Variants in NRG3 observed in about 807,000 individuals in gnomAD.
The protein encoded by NRG3 is pro-neuregulin-3, membrane-bound isoform.
In NRG3, 31 loss-of-function variants were observed where a neutral mutation model predicts 66.9. That is an observed-to-expected ratio of 0.46 (90% CI 0.35 to 0.63). NRG3 has a LOEUF of 0.63. Ranked by LOEUF, NRG3 falls within the 20% of genes least tolerant of loss-of-function variation. The pLI is 0.00. For missense variants in NRG3, 910 were observed against 878.9 expected (o/e 1.04, Z -0.45); for synonymous variants, 393 against 359.4 (o/e 1.09, Z -1.06).
At chr10:82,541,134 T>C (rs945200615) in intron 2 of NRG3, among the ~76,000 whole-genome samples, 1 of 152,178 alleles carries the variant, frequency 6.6e-6, no homozygotes, top group African/African-American at 2.4e-5. Flanking sequence ...ATTTCTATTC[T>C]TTAAGCTACT....
intron 2 of NRG3, among the ~76,000 whole-genome samples, chr10:82,640,400 C>A (rs914554072): frequency 2.0e-5 from 3 of 152,146 alleles, no homozygotes; most frequent in Non-Finnish European, 4.4e-5. Context: ...TAGGCCACTT[C>A]GTGTTATTCA....
At chr10:82,457,596 A>T (rs1285778622) in intron 2 of NRG3, among the ~76,000 whole-genome samples, 1 of 152,124 alleles carries the variant, frequency 6.6e-6, no homozygotes, top group East Asian at 1.9e-4. Context: ...CATAGCTAGG[A>T]ACATAGGAGG....
In NRG3 at chr10:81,877,670, G is replaced by C. The variant is rs1841797928; in HGVS notation, c.823+1507G>C. 3 of 1,284,344 alleles carry C rather than the reference G, an allele frequency of 2.3e-6. 1 individual carries two copies. In the Admixed American group the frequency reaches 1.1e-4, roughly 48 times the overall value. 79.6% of individuals were successfully genotyped at this position (1,284,344 alleles called of 1,614,324 possible). On this transcript the variant is annotated intron_variant, in intron 1 of 8. Transcript: ENST00000372141. ...ACTTTGCTTTGGAAAAAACCGTCTA[G>C]AAGATAAATTGGGAGACAGGAAGGA...
intron 2 of NRG3, among the ~76,000 whole-genome samples, chr10:82,666,978 C>T (rs760403344): frequency 7.2e-5 from 11 of 152,166 alleles, no homozygotes; most frequent in Non-Finnish European, 1.5e-4. Flanking sequence ...AGTGATTCTA[C>T]ACAAACCTCA....
intron 1 of NRG3, among the ~76,000 whole-genome samples, chr10:82,223,150 AATGCATGGGACAGCC>A (rs2076017188): frequency 6.6e-6 from 1 of 151,928 alleles, no homozygotes; most frequent in African/African-American, 2.4e-5. Flanking sequence ...ATTGAAAGGC[AATGCATGGGACAGCC>A]AGAACAACCC....
At chr10:82,139,697 G>A (rs2069629716) in intron 1 of NRG3, among the ~76,000 whole-genome samples, 1 of 152,112 alleles carries the variant, frequency 6.6e-6, no homozygotes, top group African/African-American at 2.4e-5. Flanking sequence ...AAAGTGAATA[G>A]TACAGCACTA....
chr10:82,595,486 A>AAT (rs2047217579), intron 2 of NRG3, among the ~76,000 whole-genome samples: 1 of 152,138 alleles, frequency 6.6e-6, no homozygotes, highest in Non-Finnish European at 1.5e-5. Context: ...ACAACATAGC[A>AAT]TGTTAGAAAT....
At position 81,876,135 on chromosome 10, in the gene NRG3, A is replaced by T; in HGVS notation, c.795A>T (p.Thr265=). Residue 265 remains threonine, a synonymous_variant, in exon 1 of 9, where the codon ACA becomes ACT. Coordinates refer to ENST00000372141, the MANE Select transcript of NRG3 (RefSeq NM_001010848.4). ...CTTCCTCCTCCGCTACCACCACCAC[A>T]CCAGAAACTAGCACCAGCCCCAAAT... ...SSSSSSATTT[T]PETSTSPKFH... is the part of the protein sequence containing the mutation. 6.3e-7 allele frequency: 1 copy of T among 1,598,724 alleles called. No homozygotes were observed. Among genetic ancestry groups the T allele is most frequent in the South Asian group, 1.1e-5 (1 of 89,250 alleles).
intron 2 of NRG3, among the ~76,000 whole-genome samples, chr10:82,653,414 G>A (rs895746120): frequency 6.6e-6 from 1 of 152,168 alleles, no homozygotes; most frequent in Admixed American, 6.5e-5. Flanking sequence ...CTGATGTTCT[G>A]CAAATGTGAC....
At chr10:82,197,533 A>G (rs1045544839) in intron 1 of NRG3, among the ~76,000 whole-genome samples, 2 of 152,286 alleles carry the variant, frequency 1.3e-5, no homozygotes, top group East Asian at 1.9e-4. Context: ...GTATTATGCT[A>G]TGTGATCTGG....
intron 4 of NRG3, among the ~76,000 whole-genome samples, chr10:82,924,334 A>T (rs937099212): frequency 3.3e-5 from 5 of 152,050 alleles, no homozygotes; most frequent in African/African-American, 1.2e-4. Flanking sequence ...AAGTATCCCT[A>T]AATGCTCCAC....
Position 82,094,507 on chromosome 10 carries a change from A to G in NRG3, c.823+218344A>G, listed in dbSNP as rs76901129. 5.6e-3 allele frequency among the ~76,000 whole-genome samples: 854 copies of G among 152,326 alleles called. 26 individuals carry two copies. The highest frequency in any genetic ancestry group is 0.041 in the Admixed American group (621 of 15,292). On this transcript the variant is annotated intron_variant, in intron 1 of 8. Transcript: ENST00000372141. ...CCCTGCTGGGTATCTACCCAAAGGA[A>G]AAGAAATTGCTATATCAAAAAGAAA...
At chr10:82,561,111 A>G (rs1565071646) in intron 2 of NRG3, among the ~76,000 whole-genome samples, 1 of 152,096 alleles carries the variant, frequency 6.6e-6, no homozygotes, top group African/African-American at 2.4e-5. Context: ...ATCTCTTCCT[A>G]TAGTCTGTAA....
At chr10:82,203,382 T>G (rs777401125) in intron 1 of NRG3, among the ~76,000 whole-genome samples, 11 of 152,094 alleles carry the variant, frequency 7.2e-5, no homozygotes, top group Non-Finnish European at 1.2e-4. Context: ...AAATTCAGCT[T>G]GGTTTGAGTT....
intron 1 of NRG3, among the ~76,000 whole-genome samples, chr10:82,265,429 A>G (rs1330299063): frequency 6.6e-6 from 1 of 152,236 alleles, no homozygotes; most frequent in Non-Finnish European, 1.5e-5. Context: ...ACTGTAATGT[A>G]TTATAGTCAA....
At chr10:81,901,925 TAAC>T (rs925302008) in intron 1 of NRG3, among the ~76,000 whole-genome samples, 1 of 152,142 alleles carries the variant, frequency 6.6e-6, no homozygotes, top group African/African-American at 2.4e-5. Context: ...CATGTTTACT[TAAC>T]AACAGTTCCA....
At chr10:82,898,417 G>T (rs866483345) in intron 4 of NRG3, among the ~76,000 whole-genome samples, 20 of 152,232 alleles carry the variant, frequency 1.3e-4, no homozygotes, top group South Asian at 1.0e-3. Flanking sequence ...TCACCTGGAG[G>T]CTCCCTACCC....
intron 1 of NRG3, among the ~76,000 whole-genome samples, chr10:82,341,225 A>T (rs2082672466): frequency 6.6e-6 from 1 of 152,092 alleles, no homozygotes; most frequent in Non-Finnish European, 1.5e-5. Flanking sequence ...AATTGCTCTT[A>T]TTTACTTATT....
chr10:81,945,921 TTTGCAGGAAACCACC>T (rs1848802666), intron 1 of NRG3, among the ~76,000 whole-genome samples: 1 of 152,036 alleles, frequency 6.6e-6, no homozygotes. Flanking sequence ...ACACCAAAGA[TTTGCAGGAAACCACC>T]GGAAGCTAGG....
Sources: allele counts gnomAD v4.1 joint callset (sites outside exome capture counted in the v4.1 genomes callset), GRCh38; gene constraint gnomAD v4.1.1; transcripts MANE v1.5; gene names NCBI Gene and HGNC (gene_info 2026-07-23, HGNC 2026-07-21).